The following ZFHX3 variants were observed in gnomAD, a reference collection of about 807,000 sequenced individuals.
ZFHX3 encodes zinc finger homeobox protein 3.
Under a neutral mutation model 279.1 loss-of-function variants are expected in ZFHX3, and 42 were observed. The ratio of observed to expected loss-of-function variants is 0.15; its 90% CI spans 0.12 to 0.19. The LOEUF is 0.19. Among genes scored for constraint, ZFHX3 ranks in the 10% least tolerant of loss-of-function variants. ZFHX3 has a pLI of 1.00. For synonymous variants in ZFHX3, 2,293 were observed against 1,957.8 expected, an observed-to-expected ratio of 1.17 and a Z score of -4.52; for missense variants, 4,981 against 4,754.0, an observed-to-expected ratio of 1.05 and a Z score of -1.40.
chr16:73,183,900 T>A (rs566422098), intron 5 of ZFHX3, among the ~76,000 whole-genome samples: 7 of 152,122 alleles, frequency 4.6e-5, no homozygotes, highest in African/African-American at 1.4e-4. Context: ...AAATCTCTCT[T>A]TGCCCTGGAA....
chr16:73,738,747 A>G (rs967636107), intron 1 of ZFHX3, among the ~76,000 whole-genome samples: 13 of 152,170 alleles, frequency 8.5e-5, no homozygotes, highest in Non-Finnish European at 1.6e-4. Flanking sequence ...GGGAATTCAC[A>G]CGGCTCCAGT....
upstream of ZFHX3, among the ~76,000 whole-genome samples, chr16:73,052,667 C>T (rs1965472335): frequency 1.3e-5 from 2 of 152,170 alleles, no homozygotes; most frequent in Admixed American, 1.3e-4. Flanking sequence ...TCGTTTGTCT[C>T]TCTGCAGACA....
intron 4 of ZFHX3, among the ~76,000 whole-genome samples, chr16:72,843,564 G>C (rs1470623487): frequency 2.0e-5 from 3 of 149,494 alleles, no homozygotes; most frequent in Admixed American, 2.0e-4. Flanking sequence ...AAACCTGAAG[G>C]AGGGTGTCTA....
intron 2 of ZFHX3, among the ~76,000 whole-genome samples, chr16:73,634,497 C>T (rs1055701107): frequency 9.4e-5 from 14 of 148,406 alleles, no homozygotes; most frequent in Middle Eastern, 3.5e-3. Context: ...CCCATTAACA[C>T]TCATTGTTGG....
At chr16:73,024,013 C>A (rs1262675710) in intron 1 of ZFHX3, among the ~76,000 whole-genome samples, 1 of 152,132 alleles carries the variant, frequency 6.6e-6, no homozygotes, top group Non-Finnish European at 1.5e-5. Flanking sequence ...AAGGCACGTG[C>A]AGTATTACCA....
intron 4 of ZFHX3, among the ~76,000 whole-genome samples, chr16:72,853,279 T>C (rs1279940355): frequency 6.6e-6 from 1 of 152,244 alleles, no homozygotes; most frequent in Non-Finnish European, 1.5e-5. Context: ...TCAAGGTTCT[T>C]CTACCACCAA....
At chr16:73,326,609 G>C (rs2015694786) in intron 3 of ZFHX3, among the ~76,000 whole-genome samples, 1 of 152,154 alleles carries the variant, frequency 6.6e-6, no homozygotes, top group Non-Finnish European at 1.5e-5. Flanking sequence ...GGGTTGAGGG[G>C]GGAGGGAAGT....
At chr16:72,987,148 G>A (rs745744261) in intron 1 of ZFHX3, among the ~76,000 whole-genome samples, 2 of 152,134 alleles carry the variant, frequency 1.3e-5, no homozygotes, top group Non-Finnish European at 2.9e-5. Context: ...GCAACAAAGT[G>A]AGATCCTGTC....
intron 3 of ZFHX3, among the ~76,000 whole-genome samples, chr16:72,940,021 C>T (rs1274502383): frequency 1.3e-5 from 2 of 151,494 alleles, no homozygotes; most frequent in Non-Finnish European, 3.0e-5. Flanking sequence ...CTGATCCTCC[C>T]ACCTCAGTCC....
intron 4 of ZFHX3, among the ~76,000 whole-genome samples, chr16:72,838,350 G>T (rs1340254050): frequency 0.022 from 1 of 46 alleles, no homozygotes; most frequent in Non-Finnish European, 0.045. Flanking sequence ...GGGCCAGGCT[G>T]CAGCTGCGTG....
intron 5 of ZFHX3, among the ~76,000 whole-genome samples, chr16:72,815,382 T>G (rs998596141): frequency 3.5e-5 from 5 of 144,852 alleles, no homozygotes; most frequent in Non-Finnish European, 6.0e-5. Flanking sequence ...CACCCCAGCC[T>G]GGGTGACAGA....
At chr16:73,132,968 G>C (rs537645880) in intron 6 of ZFHX3, among the ~76,000 whole-genome samples, 3 of 152,284 alleles carry the variant, frequency 2.0e-5, no homozygotes, top group African/African-American at 7.2e-5. Flanking sequence ...AGCAAAATAT[G>C]GATCACCAAA....
intron 3 of ZFHX3, among the ~76,000 whole-genome samples, chr16:73,393,234 C>T (rs2017056182): frequency 6.6e-6 from 1 of 152,208 alleles, no homozygotes; most frequent in Non-Finnish European, 1.5e-5. Context: ...CAGATGGGAG[C>T]CATTGTACCC....
chr16:73,071,932 C>G (rs1186808996), intron 8 of ZFHX3, among the ~76,000 whole-genome samples: 1 of 152,180 alleles, frequency 6.6e-6, no homozygotes, highest in Non-Finnish European at 1.5e-5. Context: ...CTGATGGGCC[C>G]CATTGCTTCC....
intron 1 of ZFHX3, among the ~76,000 whole-genome samples, chr16:72,975,859 C>A (rs920700265): frequency 8.5e-5 from 13 of 152,174 alleles, no homozygotes; most frequent in African/African-American, 3.1e-4. Context: ...CTAAGAAGAA[C>A]CACCAAGGCC....
At chr16:72,860,902 GAC>G (rs2037873414) in intron 4 of ZFHX3, among the ~76,000 whole-genome samples, 1 of 152,192 alleles carries the variant, frequency 6.6e-6, no homozygotes, top group East Asian at 1.9e-4. Context: ...TCCCTGGTCT[GAC>G]AGTTAAAAAT....
chr16:73,432,419 C>T (rs2017925585), intron 3 of ZFHX3, among the ~76,000 whole-genome samples: 2 of 152,110 alleles, frequency 1.3e-5, no homozygotes, highest in Admixed American at 6.5e-5. Flanking sequence ...GACTCTTTGA[C>T]AAAGGGGTGA....
At position 72,794,750 on chromosome 16, in the gene ZFHX3, C is replaced by T; in HGVS notation, c.7932G>A (p.Leu2644=). ...GGEEPQRDKR[L]RTTITPEQLE... is the part of the protein sequence containing the mutation. ...GTTGTTCCGGTGTGATGGTTGTTCT[C>T]AAACGCTTGTCTCTCTGAGGCTCTT... Residue 2644 remains leucine (L), a synonymous_variant, in exon 9 of 10, where the codon TTG becomes TTA. Coordinates refer to ENST00000268489, the MANE Select transcript of ZFHX3 (RefSeq NM_006885.4). The surrounding 1 kb of genome is among the most constrained non-coding windows in gnomAD (Gnocchi z 4.2). 6.2e-7 allele frequency: 1 copy of T among 1,614,238 alleles called. No homozygotes were observed. The highest frequency in any genetic ancestry group is 8.5e-7 in the Non-Finnish European group (1 of 1,180,048).
chr16:73,672,650 AAC>A (rs5817863), intron 2 of ZFHX3, among the ~76,000 whole-genome samples: 91,079 of 151,806 alleles, frequency 0.6, 28,577 homozygotes, highest in Middle Eastern at 0.83. Context: ...AAAATTGAAA[AAC>A]ACATGATGAG....
Sources: gnomAD v4.1 joint callset for allele counts (sites outside exome capture counted in the v4.1 genomes callset) on GRCh38, gnomAD v4.1.1 for gene constraint, Gnocchi (gnomAD v3.1) non-coding constraint, MANE v1.5 for transcripts, NCBI Gene and HGNC (gene_info 2026-07-23, HGNC 2026-07-21) for gene names.